The following PUF60 variants were observed in gnomAD, a reference collection of about 807,000 sequenced individuals.
PUF60 encodes the protein poly(U)-binding-splicing factor PUF60.
In PUF60, 10 loss-of-function variants were observed where a neutral mutation model predicts 61.8. The observed-to-expected ratio is 0.16, with a 90% CI of 0.10 to 0.27. PUF60 has a LOEUF of 0.27. Among genes scored for constraint, PUF60 ranks in the 10% least tolerant of loss-of-function variants. The pLI is 1.00. For synonymous variants in PUF60, 353 were observed against 300.9 expected, an observed-to-expected ratio of 1.17 and a Z score of -1.79; for missense variants, 371 against 754.0, an observed-to-expected ratio of 0.49 and a Z score of 5.95.
Position 143,818,761 on chromosome 8 carries a change from C to G in PUF60, c.349-227G>C, listed in dbSNP as rs1816678609. On this transcript the variant is annotated intron_variant, in intron 5 of 11. Coordinates refer to ENST00000526683, the MANE Select transcript of PUF60 (RefSeq NM_078480.3). The surrounding 1 kb of genome is among the most constrained non-coding windows in gnomAD (Gnocchi z 7.9). ...GCGGCAGGACAGGACGCACCCCAGC[C>G]CGCCAAGGTCCCAGGCAGACTGCGG... 3.5e-6 allele frequency: 2 copies of G among 574,242 alleles called. No individual in the cohort carries two copies. The highest frequency in any genetic ancestry group is 6.1e-6 in the Non-Finnish European group (2 of 327,262). 35.6% of individuals were successfully genotyped at this position (574,242 alleles called of 1,614,324 possible). A position where few individuals can be genotyped will look rare whatever the true frequency, so the allele number is the denominator to read the frequency against.
intron 4 of PUF60, among the ~76,000 whole-genome samples, chr8:143,820,921 C>T (rs370595593): frequency 1.1e-4 from 17 of 151,934 alleles, no homozygotes; most frequent in African/African-American, 2.9e-4. Context: ...GCAGCTGGGC[C>T]GGCTGGGGCA....
intron 1 of PUF60, among the ~76,000 whole-genome samples, chr8:143,825,578 G>C (rs780088319): frequency 3.3e-5 from 5 of 152,038 alleles, no homozygotes; most frequent in African/African-American, 1.2e-4. Flanking sequence ...GCTAGAGTGC[G>C]GTGGTGCAAC....
At position 143,817,776 on chromosome 8, in the gene PUF60, T is replaced by C; in HGVS notation, c.824A>G (p.Glu275Gly). Residue 275 changes from glutamate (E) to glycine (G), a missense_variant, in exon 9 of 12, where the codon GAG (glutamate) becomes GGG (glycine). By Grantham distance (98) the Glu-to-Gly change is moderately conservative. This residue lies in a region of PUF60 where 24 missense variants were observed against 35.0 expected (regional missense o/e 0.68). Coordinates refer to ENST00000526683, the MANE Select transcript of PUF60 (RefSeq NM_078480.3). The surrounding 1 kb of genome is among the most constrained non-coding windows in gnomAD (Gnocchi z 7.4). ...AGCATCTTGGGACGACTGGGCCTTC[T>C]CGTACTCTGTGGGCAGGAGCAGCAG... is the stretch of plus-strand genomic sequence containing the variant. Reference protein sequence around the residue: ...KHKGYGFIEYEKAQSSQDAVS... With the variant: ...KHKGYGFIEYGKAQSSQDAVS... 1 of 1,610,472 alleles carries C rather than the reference T, an allele frequency of 6.2e-7. No homozygotes were observed. The highest frequency in any genetic ancestry group is 8.5e-7 in the Non-Finnish European group (1 of 1,178,820).
At chr8:143,823,821 C>T (rs943527649) in intron 2 of PUF60, among the ~76,000 whole-genome samples, 8 of 152,184 alleles carry the variant, frequency 5.3e-5, no homozygotes, top group East Asian at 1.9e-4. Context: ...AGCCTGGGGC[C>T]GAAAAAAGAT....
intron 1 of PUF60, chr8:143,825,235 G>C (rs1374255363): frequency 6.6e-6 from 1 of 152,324 alleles, no homozygotes; most frequent in Non-Finnish European, 1.5e-5. Context: ...TCTAAGAACA[G>C]AAGAGATCAG....
rs575793716 is a variant in PUF60 at position 143,824,082 on chromosome 8, T to C, written c.111+231A>G. On this transcript the variant is annotated intron_variant, in intron 2 of 11. Transcript: ENST00000526683. The stretch of plus-strand genomic sequence containing the variant: ...CGCCTGGTGCTTGGAGCAGGGCAGA[T>C]GCAGAGGGCAAAGGCCAGCTCAGTG... Among the ~76,000 whole-genome samples the C allele has an allele frequency of 3.9e-5, 6 of 152,318 alleles. No homozygotes were observed. The South Asian group carries it at 6.2e-4, about 16-fold the overall frequency.
chr8:143,827,659 A>G (rs1307794744), intron 1 of PUF60: 1 of 339,966 alleles, frequency 2.9e-6, no homozygotes, highest in African/African-American at 2.2e-5. Context: ...GTTAGACCAC[A>G]GGCTACAGCT....
chr8:143,826,632 T>C (rs1817666472), intron 1 of PUF60, among the ~76,000 whole-genome samples: 1 of 152,150 alleles, frequency 6.6e-6, no homozygotes, highest in Non-Finnish European at 1.5e-5. Flanking sequence ...CTACCATGAA[T>C]TGCCTGAACC....
chr8:143,817,793 G>T lies in PUF60; in HGVS notation c.818-11C>A. ...GGGCCTTCTCGTACTCTGTGGGCAG[G>T]AGCAGCAGTGAGCAGGGCCAGCCCC... is the stretch of plus-strand genomic sequence containing the variant. On this transcript the variant is annotated splice_polypyrimidine_tract_variant and intron_variant, in intron 8 of 11. Transcript: ENST00000526683. This position sits in a 1 kb window ranked among gnomAD's most constrained non-coding sequence, Gnocchi z 7.4. The T allele has an allele frequency of 6.2e-7, 1 of 1,607,560 alleles. No homozygotes were observed. Among genetic ancestry groups the T allele is most frequent in the South Asian group, 1.1e-5 (1 of 90,506 alleles).
intron 4 of PUF60, 51 bp from the exon 5 acceptor site, chr8:143,820,767 C>T (rs1816912695): frequency 1.9e-6 from 3 of 1,539,162 alleles, no homozygotes; most frequent in South Asian, 1.1e-5. Flanking sequence ...AGCAGTCTCC[C>T]GCTCTCGTCA....
chr8:143,820,486 C>T (rs936689532), intron 5 of PUF60, 180 bp downstream of exon 5: 11 of 683,046 alleles, frequency 1.6e-5, no homozygotes, highest in Non-Finnish European at 2.6e-5. Context: ...TCCCCAGGGG[C>T]GGTCCCGGGT....
At chr8:143,827,064 C>T (rs917576666) in intron 1 of PUF60, 2 of 315,064 alleles carry the variant, frequency 6.3e-6, no homozygotes, top group Admixed American at 9.8e-5. Context: ...GCTGCAGAGG[C>T]CGCAGACACG....
At chr8:143,820,116 C>T in intron 5 of PUF60, 1 of 157,118 alleles carries the variant, frequency 6.4e-6, no homozygotes, top group Non-Finnish European at 1.4e-5. Context: ...AGCCATGGCC[C>T]CTGCCTCCTC....
At chr8:143,824,690 G>A in intron 1 of PUF60, 1 of 458,116 alleles carries the variant, frequency 2.2e-6, no homozygotes, top group South Asian at 3.0e-5. Flanking sequence ...CCAGGCAAAA[G>A]AAAGCCATCC....
Position 143,818,556 on chromosome 8 carries a change from A to G in PUF60, c.349-22T>C. The G allele has an allele frequency of 6.4e-7, 1 of 1,559,634 alleles. No individual in the cohort carries two copies. Among genetic ancestry groups the G allele is most frequent in the Non-Finnish European group, 8.7e-7 (1 of 1,151,004 alleles). On this transcript the variant is annotated intron_variant, in intron 5 of 11. Coordinates refer to ENST00000526683, the MANE Select transcript of PUF60 (RefSeq NM_078480.3). The surrounding 1 kb of genome is among the most constrained non-coding windows in gnomAD (Gnocchi z 7.9). ...CCATCTGCAGCAGGACAGAGGGGAG[A>G]GAACCGCTGGCTCGTCAGGGGCGGC...
chr8:143,826,480 C>T (rs1251240578), intron 1 of PUF60, among the ~76,000 whole-genome samples: 2 of 152,096 alleles, frequency 1.3e-5, no homozygotes, highest in Non-Finnish European at 2.9e-5. Flanking sequence ...TTTGGGAGGC[C>T]GAGGCAGGTG....
rs775843637 is a variant in PUF60, at chr8:143,817,102, C to T, written c.1188G>A (p.Ser396=). The T allele has an allele frequency of 4.2e-5, 67 of 1,610,672 alleles. 1 individual carries two copies. The South Asian group carries it at 5.5e-4, about 13-fold the overall frequency. The change falls in exon 11 of 12, where the codon TCG becomes TCA. Residue 396 remains serine (S), a synonymous_variant. Coordinates refer to ENST00000526683, the MANE Select transcript of PUF60 (RefSeq NM_078480.3). The surrounding 1 kb of genome is among the most constrained non-coding windows in gnomAD (Gnocchi z 7.4). ...ARPPIPVTIP[S]VGVVNPILAS... is the part of the protein sequence containing the mutation. Reference sequence around the variant, plus strand: ...CCAGGATGGGGTTCACCACTCCCACCGAGGGGATGGTGACCGGGATAGGAG... The same window carrying T: ...CCAGGATGGGGTTCACCACTCCCACTGAGGGGATGGTGACCGGGATAGGAG...
In PUF60 at chr8:143,822,425, A is replaced by T. The variant is rs1430510896; in HGVS notation, c.112-512T>A. The T allele has an allele frequency of 5.1e-5, 23 of 450,596 alleles. 1 individual carries two copies. The highest frequency in any genetic ancestry group is 3.6e-4 in the South Asian group (23 of 64,226). The allele number at this position is 450,596 out of a possible 1,614,324, so 27.9% of individuals were successfully genotyped here. On this transcript the variant is annotated intron_variant, in intron 2 of 11. Coordinates refer to ENST00000526683, the MANE Select transcript of PUF60 (RefSeq NM_078480.3). ...TTTCAAGGGGCCCACCCAAGGAGCT[A>T]ATACAAGGGCCTCTCTCCCAACAGT...
Position 143,817,646 on chromosome 8 carries a change from G to C in PUF60, c.954C>G (p.Leu318=). ...PLLTPATPGG[L]PPAAAVAAAA... ...CAGCTGCCACAGCAGCGGCAGGTGG[G>C]AGGCCTCCAGGCGTGGCTGGTGTGA... Residue 318 remains leucine (L), a synonymous_variant, in exon 9 of 12, where the codon CTC becomes CTG. Transcript: ENST00000526683. This position sits in a 1 kb window ranked among gnomAD's most constrained non-coding sequence, Gnocchi z 7.4. 1 of 1,612,590 alleles carries C rather than the reference G, an allele frequency of 6.2e-7. No homozygotes were observed. Among genetic ancestry groups the C allele is most frequent in the South Asian group, 1.1e-5 (1 of 91,084 alleles).
Sources: gnomAD v4.1 joint callset for allele counts (sites outside exome capture counted in the v4.1 genomes callset) on GRCh38, gnomAD v4.1.1 for gene constraint, gnomAD v4.1.1 regional missense constraint, Gnocchi (gnomAD v3.1) non-coding constraint, MANE v1.5 for transcripts, NCBI Gene and HGNC (gene_info 2026-07-23, HGNC 2026-07-21) for gene names.